ZNF33A: variants seen among roughly 807,000 people sequenced by gnomAD.
ZNF33A encodes the protein brain my041 protein.
In ZNF33A, 9 loss-of-function variants were observed where a neutral mutation model predicts 15.9. The ratio of observed to expected loss-of-function variants is 0.57; its 90% CI spans 0.34 to 0.99. ZNF33A has a LOEUF of 0.99. Ranked by LOEUF, ZNF33A falls within the 50% of genes least tolerant of loss-of-function variation. The pLI is 0.02. For synonymous variants in ZNF33A, 294 were observed against 324.2 expected, an observed-to-expected ratio of 0.91 and a Z score of 1.00; for missense variants, 843 against 941.6, an observed-to-expected ratio of 0.90 and a Z score of 1.37.
At chr10:38,035,909 G>C (rs960200137) in intron 4 of ZNF33A, among the ~76,000 whole-genome samples, 2 of 152,172 alleles carry the variant, frequency 1.3e-5, no homozygotes, top group Admixed American at 1.3e-4. Flanking sequence ...ATTTAAGGAA[G>C]AAATATATAA....
intron 4 of ZNF33A, among the ~76,000 whole-genome samples, chr10:38,028,780 G>C (rs1214830167): frequency 6.6e-6 from 1 of 152,022 alleles, no homozygotes; most frequent in African/African-American, 2.4e-5. Flanking sequence ...GATTTTTATA[G>C]TGAATCATTT....
At chr10:38,024,503 T>C (rs1285872032) in intron 4 of ZNF33A, among the ~76,000 whole-genome samples, 2 of 152,242 alleles carry the variant, frequency 1.3e-5, no homozygotes, top group Non-Finnish European at 2.9e-5. Context: ...GTAGGTTTAA[T>C]GGCATTCCTG....
chr10:38,024,841 C>T (rs1010486450), intron 4 of ZNF33A, among the ~76,000 whole-genome samples: 1 of 152,214 alleles, frequency 6.6e-6, no homozygotes, highest in Non-Finnish European at 1.5e-5. Context: ...CTGTCCTGTC[C>T]CAGGACATGA....
chr10:38,018,938 A>C (rs2135556125), intron 4 of ZNF33A, among the ~76,000 whole-genome samples: 1 of 151,734 alleles, frequency 6.6e-6, no homozygotes, highest in East Asian at 1.9e-4. Flanking sequence ...AAAGACAAAA[A>C]TTTTCTTTTT....
At chr10:38,042,261 T>C (rs1360770184) in intron 4 of ZNF33A, among the ~76,000 whole-genome samples, 1 of 151,974 alleles carries the variant, frequency 6.6e-6, no homozygotes, top group Non-Finnish European at 1.5e-5. Context: ...CTGGGCTCAC[T>C]GTAACCTCCT....
intron 4 of ZNF33A, among the ~76,000 whole-genome samples, chr10:38,020,980 G>A (rs112300289): frequency 2.7e-4 from 41 of 152,306 alleles, no homozygotes; most frequent in African/African-American, 7.9e-4. Context: ...TTTAGTTCCT[G>A]TGAAACTGCT....
At chr10:38,044,854 G>C (rs754702988) in intron 4 of ZNF33A, among the ~76,000 whole-genome samples, 5 of 151,850 alleles carry the variant, frequency 3.3e-5, no homozygotes, top group Non-Finnish European at 2.9e-5. Flanking sequence ...TTTTAGTAGA[G>C]ACGGGGTTTC....
chr10:38,062,280 A>G (rs370276908), downstream of ZNF33A, among the ~76,000 whole-genome samples: 11 of 152,174 alleles, frequency 7.2e-5, no homozygotes, highest in East Asian at 3.9e-4. Flanking sequence ...TGAGAGGTAA[A>G]TTTCTATTGT....
downstream of ZNF33A, among the ~76,000 whole-genome samples, chr10:38,063,817 T>C (rs1479103453): frequency 6.6e-6 from 1 of 152,198 alleles, no homozygotes; most frequent in Non-Finnish European, 1.5e-5. Context: ...GTGTCTCTTT[T>C]ACCTATTTTC....
intron 4 of ZNF33A, among the ~76,000 whole-genome samples, chr10:38,025,298 C>G (rs1429097685): frequency 6.6e-6 from 1 of 152,144 alleles, no homozygotes; most frequent in East Asian, 1.9e-4. Context: ...AATGGAAAAC[C>G]TCAACATTGA....
rs199784064 is a variant in ZNF33A, at chr10:38,030,606, A to G, written c.250+13220A>G. ...GTGTAAAAAGGAGTTTATTAGTTAT[A>G]GAGACAGGTTTCTAGGGAGACTAGA... is the stretch of plus-strand genomic sequence containing the variant. On this transcript the variant is annotated intron_variant, in intron 4 of 4. Transcript: ENST00000432900. Among the ~76,000 whole-genome samples, 52 of 152,278 alleles carry G rather than the reference A, an allele frequency of 3.4e-4. No individual in the cohort carries two copies. In the East Asian group the frequency reaches 9.6e-3, roughly 28 times the overall value.
intron 4 of ZNF33A, among the ~76,000 whole-genome samples, chr10:38,020,122 C>T (rs770483809): frequency 7.2e-5 from 11 of 151,980 alleles, no homozygotes; most frequent in Non-Finnish European, 2.9e-5. Flanking sequence ...GAAAACAAAA[C>T]AAATAGCAGC....
intron 2 of ZNF33A, among the ~76,000 whole-genome samples, chr10:38,015,764 C>G (rs1208818880): frequency 4.6e-5 from 7 of 152,074 alleles, no homozygotes; most frequent in Admixed American, 4.6e-4. Flanking sequence ...CATTTTTTTT[C>G]TTAATGAATT....
At chr10:38,051,423 A>C (rs1379646313) in intron 4 of ZNF33A, among the ~76,000 whole-genome samples, 1 of 152,164 alleles carries the variant, frequency 6.6e-6, no homozygotes, top group East Asian at 1.9e-4. Flanking sequence ...CAGCTGAAAA[A>C]TCAACCTTCT....
chr10:38,046,723 A>G (rs745982317), intron 4 of ZNF33A, among the ~76,000 whole-genome samples: 1 of 152,230 alleles, frequency 6.6e-6, no homozygotes, highest in Non-Finnish European at 1.5e-5. Flanking sequence ...TATTAGAATT[A>G]ACTGACAAGT....
intron 4 of ZNF33A, among the ~76,000 whole-genome samples, chr10:38,019,199 T>C (rs9417283): frequency 0.77 from 115,461 of 150,100 alleles, 44,617 homozygotes; most frequent in South Asian, 0.93. Flanking sequence ...TGTGTTCTCA[T>C]TGTTCAATTC....
At chr10:38,038,676 C>CATTTTTTT (rs1267436768) in intron 4 of ZNF33A, among the ~76,000 whole-genome samples, 1 of 152,130 alleles carries the variant, frequency 6.6e-6, no homozygotes, top group Non-Finnish European at 1.5e-5. Flanking sequence ...AGAGTAAAAT[C>CATTTTTTT]ACTGTACCTT....
chr10:38,027,080 A>C (rs931964793), intron 4 of ZNF33A, among the ~76,000 whole-genome samples: 1 of 152,144 alleles, frequency 6.6e-6, no homozygotes, highest in Non-Finnish European at 1.5e-5. Flanking sequence ...TTGTCTGTCT[A>C]TACCAATGCC....
chr10:38,052,432 A>C (rs2066249901), intron 4 of ZNF33A, among the ~76,000 whole-genome samples: 1 of 152,162 alleles, frequency 6.6e-6, no homozygotes, highest in Admixed American at 6.6e-5. Flanking sequence ...CACTAGAAAC[A>C]ATAACCCACT....
Sources: gnomAD v4.1 joint callset for allele counts (sites outside exome capture counted in the v4.1 genomes callset) on GRCh38, gnomAD v4.1.1 for gene constraint, MANE v1.5 for transcripts, NCBI Gene and HGNC (gene_info 2026-07-23, HGNC 2026-07-21) for gene names.